The following SERPINB6 variants were observed in gnomAD, a reference collection of about 807,000 sequenced individuals.
SERPINB6 encodes serpin family B member 6.
In SERPINB6, 16 loss-of-function variants were observed where a neutral mutation model predicts 26.1. That is an observed-to-expected ratio of 0.61 (90% confidence interval 0.42 to 0.93). The LOEUF (loss-of-function observed/expected upper bound fraction) is 0.93, where lower values mean the gene tolerates loss of function less well. Among genes scored for constraint, SERPINB6 ranks in the 40% least tolerant of loss-of-function variants. The probability of loss-of-function intolerance (pLI) is 0.00; values close to 1 mark genes in which losing one functional copy is unlikely to be tolerated. For missense variants in SERPINB6, 420 were observed against 478.0 expected (o/e 0.88, Z 1.13); for synonymous variants, 174 against 176.6 (o/e 0.99, Z 0.11).
At chr6:2,961,898 T>C in intron 1 of SERPINB6, 1 of 985,162 alleles carries the variant, frequency 1.0e-6, no homozygotes, top group South Asian at 4.7e-5. Context: ...TCTTACGCTT[T>C]TTTTTTTGTA....
chr6:2,951,703 AG>A (rs1447816449), intron 5 of SERPINB6, among the ~76,000 whole-genome samples: 4 of 152,210 alleles, frequency 2.6e-5, no homozygotes, highest in African/African-American at 9.7e-5. Flanking sequence ...CTCTGGCCTC[AG>A]GCTGGTACGC....
chr6:2,970,935 G>T, intron 1 of SERPINB6: 1 of 1,228,380 alleles, frequency 8.1e-7, no homozygotes, highest in Non-Finnish European at 1.0e-6. Flanking sequence ...GCCAAGCCCA[G>T]CACGGCCAGT....
intron 3 of SERPINB6, 170 bp downstream of exon 3, chr6:2,955,354 C>T (rs559449632): frequency 1.3e-6 from 1 of 743,706 alleles, no homozygotes; most frequent in East Asian, 2.7e-5. Context: ...TGAAGTAGAT[C>T]CACCTTATTG....
At chr6:2,969,062 C>G in intron 1 of SERPINB6, 1 of 1,141,838 alleles carries the variant, frequency 8.8e-7, no homozygotes, top group Non-Finnish European at 1.1e-6. Context: ...TGCATAAACA[C>G]TGAACAATTA....
At chr6:2,955,001 C>G in intron 3 of SERPINB6, 1 of 365,402 alleles carries the variant, frequency 2.7e-6, no homozygotes, top group Non-Finnish European at 5.1e-6. Flanking sequence ...ACCAGCCTGG[C>G]CAACATGGCG....
intron 1 of SERPINB6, among the ~76,000 whole-genome samples, chr6:2,965,641 G>T (rs1771556831): frequency 6.6e-6 from 1 of 152,052 alleles, no homozygotes; most frequent in Admixed American, 6.5e-5. Context: ...CTTTCAAACA[G>T]TACAATGATT....
At chr6:2,966,913 C>A in intron 1 of SERPINB6, 1 of 984,518 alleles carries the variant, frequency 1.0e-6, no homozygotes, top group Non-Finnish European at 1.2e-6. Context: ...CGTTGGCTTC[C>A]CAAAGTGCTG....
At chr6:2,951,783 T>C (rs1012430385) in intron 5 of SERPINB6, among the ~76,000 whole-genome samples, 3 of 152,074 alleles carry the variant, frequency 2.0e-5, no homozygotes, top group African/African-American at 7.2e-5. Flanking sequence ...GGATTCCACA[T>C]CTCCCCAAAC....
At chr6:2,961,048 G>C (rs1218830457) in intron 1 of SERPINB6, 1 of 152,256 alleles carries the variant, frequency 6.6e-6, no homozygotes, top group African/African-American at 2.4e-5. Context: ...GGATCCTCTG[G>C]AGGAGCCTGG....
At chr6:2,959,999 C>T (rs1438577904) in intron 1 of SERPINB6, 1 of 165,116 alleles carries the variant, frequency 6.1e-6, no homozygotes, top group Admixed American at 5.7e-5. Context: ...CTTCCTGCGC[C>T]TGAACTCACA....
At chr6:2,971,184 T>G (rs1211049055) in intron 1 of SERPINB6, 14 of 991,342 alleles carry the variant, frequency 1.4e-5, no homozygotes, top group African/African-American at 1.7e-5. Context: ...GCGCTGGGCC[T>G]GGGCGCCCGG....
intron 1 of SERPINB6, among the ~76,000 whole-genome samples, chr6:2,962,366 C>T (rs575290711): frequency 6.6e-6 from 1 of 152,102 alleles, no homozygotes; most frequent in Non-Finnish European, 1.5e-5. Context: ...TAATCTGAAA[C>T]ACTGAACTGG....
chr6:2,962,557 G>C (rs2113294028), intron 1 of SERPINB6, among the ~76,000 whole-genome samples: 1 of 152,222 alleles, frequency 6.6e-6, no homozygotes, highest in East Asian at 1.9e-4. Context: ...TTCAATAATT[G>C]TTAATACCAA....
chr6:2,966,372 T>G, intron 1 of SERPINB6: 5 of 987,200 alleles, frequency 5.1e-6, no homozygotes, highest in Non-Finnish European at 6.0e-6. Flanking sequence ...CTCTTTAAAT[T>G]AGTTACTTTC....
At chr6:2,968,578 G>C (rs1771845034) in intron 1 of SERPINB6, 2 of 1,206,344 alleles carry the variant, frequency 1.7e-6, no homozygotes. Flanking sequence ...TAATTCTTTG[G>C]ATACCACAAT....
At chr6:2,951,043 C>T (rs981146801) in intron 5 of SERPINB6, among the ~76,000 whole-genome samples, 2 of 152,296 alleles carry the variant, frequency 1.3e-5, no homozygotes, top group East Asian at 3.9e-4. Flanking sequence ...CTACATGTAC[C>T]ATCTCCGTCA....
At chr6:2,955,085 G>A (rs1213339210) in intron 3 of SERPINB6, 2 of 279,326 alleles carry the variant, frequency 7.2e-6, no homozygotes, top group East Asian at 1.8e-4. Context: ...AGCTACTTGG[G>A]AGGCTGAGGC....
intron 4 of SERPINB6, 48 bp from the exon 5 acceptor site, chr6:2,953,234 C>A (rs750746162): frequency 6.2e-7 from 1 of 1,612,940 alleles, no homozygotes; most frequent in Admixed American, 1.7e-5. Context: ...GGCTGCGGAT[C>A]CCCGACACAT....
chr6:2,955,326 C>A (rs1442659399), intron 3 of SERPINB6, 198 bp downstream of exon 3: 7 of 628,578 alleles, frequency 1.1e-5, no homozygotes, highest in Non-Finnish European at 1.9e-5. Flanking sequence ...AAGATGCTGA[C>A]AAGACACTTC....
Sources: allele counts gnomAD v4.1 joint callset (sites outside exome capture counted in the v4.1 genomes callset), GRCh38; gene constraint gnomAD v4.1.1; transcripts MANE v1.5; gene names NCBI Gene and HGNC (gene_info 2026-07-23, HGNC 2026-07-21).